DPCD: variants seen among roughly 807,000 people sequenced by gnomAD.
DPCD encodes the protein protein DPCD.
DPCD carries 20 observed loss-of-function variants against 26.4 expected under a neutral mutation model. The observed-to-expected ratio is 0.76, with a 90% CI of 0.53 to 1.10. The LOEUF is 1.10. Ranked by LOEUF, DPCD falls within the 50% of genes least tolerant of loss-of-function variation. The pLI is 0.00. For synonymous variants in DPCD, 97 were observed against 94.2 expected (o/e 1.03, Z -0.17); for missense variants, 202 against 253.9 (o/e 0.80, Z 1.39).
intron 4 of DPCD, among the ~76,000 whole-genome samples, chr10:101,608,030 A>T (rs3095792): frequency 0.16 from 24,060 of 152,108 alleles, 2,687 homozygotes; most frequent in African/African-American, 0.31. Context: ...GTTCCCTTTT[A>T]GGTAAGGGGG....
Position 101,603,914 on chromosome 10 carries a change from G to A in DPCD, c.404+2578G>A, listed in dbSNP as rs1479082846. Among the ~76,000 whole-genome samples, 1 of 152,128 alleles carries A rather than the reference G, an allele frequency of 6.6e-6. No individual in the cohort carries two copies. Among genetic ancestry groups the A allele is most frequent in the Non-Finnish European group, 1.5e-5 (1 of 68,018 alleles). On this transcript the variant is annotated intron_variant, in intron 4 of 5. Transcript: ENST00000370151. This position sits in a 1 kb window ranked among gnomAD's most constrained non-coding sequence, Gnocchi z 4.6. ...ACTATAGGCGCATACCACCCAATCT[G>A]GCCAAGTTTAAACAATTTTTTATAG...
At chr10:101,594,563 C>T (rs1167260566) in intron 1 of DPCD, 95 bp from the exon 2 acceptor site, 1 of 1,299,142 alleles carries the variant, frequency 7.7e-7, no homozygotes, top group African/African-American at 1.5e-5. Flanking sequence ...TCAGTACTCC[C>T]AAGGCTGGCA....
intron 1 of DPCD, among the ~76,000 whole-genome samples, chr10:101,593,756 CTT>C (rs2134756495): frequency 6.6e-6 from 1 of 152,124 alleles, no homozygotes; most frequent in Admixed American, 6.5e-5. Context: ...GCCCAGCTAA[CTT>C]TTTTGTATTT....
intron 2 of DPCD, among the ~76,000 whole-genome samples, chr10:101,599,880 G>C (rs1170069791): frequency 2.0e-5 from 3 of 152,214 alleles, no homozygotes; most frequent in Non-Finnish European, 2.9e-5. Flanking sequence ...GGAACTGGGG[G>C]ATAGGAGGTC....
At position 101,603,843 on chromosome 10, in the gene DPCD, C is replaced by G. The variant is rs918017681; in HGVS notation, c.404+2507C>G. ...TCATAGCTCACTGTAGCTTTGAACT[C>G]CTGGGCTCAAGGGATCCTCCCGCCT... On this transcript the variant is annotated intron_variant, in intron 4 of 5. Transcript: ENST00000370151. The surrounding 1 kb of genome is among the most constrained non-coding windows in gnomAD (Gnocchi z 4.6). 9.2e-5 allele frequency among the ~76,000 whole-genome samples: 14 copies of G among 152,324 alleles called. No homozygotes were observed. The highest frequency in any genetic ancestry group is 2.6e-4 in the Admixed American group (4 of 15,302).
At chr10:101,590,435 T>G (rs2063597942) in intron 1 of DPCD, among the ~76,000 whole-genome samples, 1 of 152,228 alleles carries the variant, frequency 6.6e-6, no homozygotes, top group Non-Finnish European at 1.5e-5. Context: ...CAGTGGTTTT[T>G]GTTTTTATTG....
At chr10:101,605,256 T>C (rs1451206089) in intron 4 of DPCD, 1 of 1,546,496 alleles carries the variant, frequency 6.5e-7, no homozygotes. Context: ...GCAGCCCTGC[T>C]CCTGCCTTCA....
At position 101,609,411 on chromosome 10, in the gene DPCD, G is replaced by A. The variant is rs1050285089; in HGVS notation, c.552G>A (p.Gln184=). ...TTGTGGTGGCCGAGTCTGAGCTACA[G>A]AAGGAACTAAAGAAGGTGAAGACAG... ...KEVVVAESEL[Q]KELKKVKTAH... is the part of the protein sequence containing the mutation. The change falls in exon 6 of 6, where the codon CAG becomes CAA. Residue 184 remains glutamine (Q), a synonymous_variant. Coordinates refer to ENST00000370151, the MANE Select transcript of DPCD (RefSeq NM_015448.3). 1 of 1,614,176 alleles carries A rather than the reference G, an allele frequency of 6.2e-7. No homozygotes were observed. The highest frequency in any genetic ancestry group is 8.5e-7 in the Non-Finnish European group (1 of 1,180,020).
intron 1 of DPCD, among the ~76,000 whole-genome samples, chr10:101,592,775 G>A (rs1323992335): frequency 6.6e-6 from 1 of 151,892 alleles, no homozygotes; most frequent in Admixed American, 6.6e-5. Flanking sequence ...CAGCCCTTTG[G>A]GAGGCTGAGA....
chr10:101,597,284 T>A (rs749436035), intron 2 of DPCD, among the ~76,000 whole-genome samples: 24 of 152,252 alleles, frequency 1.6e-4, no homozygotes, highest in Non-Finnish European at 2.8e-4. Context: ...ACTGGCTTTA[T>A]AAATGACCCA....
At position 101,606,648 on chromosome 10, in the gene DPCD, C is replaced by T. The variant is rs984863560; in HGVS notation, c.405-2187C>T. Among the ~76,000 whole-genome samples, 4 of 152,192 alleles carry T rather than the reference C, an allele frequency of 2.6e-5. No individual in the cohort carries two copies. In the East Asian group the frequency reaches 7.7e-4, roughly 29 times the overall value. The stretch of plus-strand genomic sequence containing the variant: ...TCATCCTTAAATCCCCAGCTCACAG[C>T]TCAAGGTCTGGGACACAGTTGATGC... On this transcript the variant is annotated intron_variant, in intron 4 of 5. Transcript: ENST00000370151.
At position 101,609,406 on chromosome 10, in the gene DPCD, C is replaced by A; in HGVS notation, c.547C>A (p.Leu183Ile). The change falls in exon 6 of 6, where the codon CTA becomes ATA. Residue 183 changes from leucine (L) to isoleucine (I), a missense_variant. Transcript: ENST00000370151. ...PKEVVVAESELQKELKKVKTA... is the reference protein window; with the variant it reads ...PKEVVVAESEIQKELKKVKTA... ...GGAGGTTGTGGTGGCCGAGTCTGAG[C>A]TACAGAAGGAACTAAAGAAGGTGAA... 1 of 1,614,162 alleles carries A rather than the reference C, an allele frequency of 6.2e-7. No homozygotes were observed. The highest frequency in any genetic ancestry group is 8.5e-7 in the Non-Finnish European group (1 of 1,180,020).
At chr10:101,592,744 G>A (rs1203352132) in intron 1 of DPCD, among the ~76,000 whole-genome samples, 1 of 151,320 alleles carries the variant, frequency 6.6e-6, no homozygotes, top group Non-Finnish European at 1.5e-5. Flanking sequence ...GGCCGGGCGT[G>A]GTGGCTCATG....
At chr10:101,592,737 C>T (rs559094221) in intron 1 of DPCD, among the ~76,000 whole-genome samples, 50 of 149,636 alleles carry the variant, frequency 3.3e-4, no homozygotes, top group African/African-American at 1.1e-3. Context: ...CTCAGTTGGC[C>T]GGGCGTGGTG....
chr10:101,607,350 C>T (rs1473902892), intron 4 of DPCD, among the ~76,000 whole-genome samples: 1 of 152,346 alleles, frequency 6.6e-6, no homozygotes, highest in Middle Eastern at 3.4e-3. Flanking sequence ...GGCATTCCAT[C>T]CCCGGTTTGC....
intron 4 of DPCD, chr10:101,605,148 G>A (rs2063724940): frequency 6.4e-7 from 1 of 1,550,564 alleles, no homozygotes; most frequent in Non-Finnish European, 8.7e-7. Context: ...AGGCGGACTG[G>A]TTGGAGGCTT....
At chr10:101,593,022 C>A (rs1281446955) in intron 1 of DPCD, among the ~76,000 whole-genome samples, 1 of 137,078 alleles carries the variant, frequency 7.3e-6, no homozygotes, top group Non-Finnish European at 1.6e-5. Context: ...AAAAAAAAAA[C>A]CCTCACTTTT....
At chr10:101,597,717 G>A (rs2063664207) in intron 2 of DPCD, among the ~76,000 whole-genome samples, 1 of 152,182 alleles carries the variant, frequency 6.6e-6, no homozygotes, top group Admixed American at 6.5e-5. Flanking sequence ...ACCAGTTTGG[G>A]TTTAACATAT....
At chr10:101,593,009 T>TCAAAAAAAAAAAAC (rs1554920602) in intron 1 of DPCD, among the ~76,000 whole-genome samples, 11,025 of 146,850 alleles carry the variant, frequency 0.075, 444 homozygotes, top group African/African-American at 0.11. Flanking sequence ...CGAGACTCTG[T>TCAAAAAAAAAAAAC]CAAAAAAAAA....
Sources: gnomAD v4.1 joint callset for allele counts (sites outside exome capture counted in the v4.1 genomes callset) on GRCh38, gnomAD v4.1.1 for gene constraint, Gnocchi (gnomAD v3.1) non-coding constraint, MANE v1.5 for transcripts, NCBI Gene and HGNC (gene_info 2026-07-23, HGNC 2026-07-21) for gene names.